The following ANKRD12 variants were observed in gnomAD, a reference collection of about 807,000 sequenced individuals.
ANKRD12 encodes the protein ankyrin repeat domain-containing protein 12.
In ANKRD12, 85 loss-of-function variants were observed where a neutral mutation model predicts 183.4. The observed-to-expected ratio is 0.46, with a 90% CI of 0.39 to 0.56. The LOEUF is 0.56. Among genes scored for constraint, ANKRD12 ranks in the 20% least tolerant of loss-of-function variants. The pLI, the probability that ANKRD12 is intolerant of heterozygous loss-of-function variation, is 0.00. For missense variants in ANKRD12, 2,405 were observed against 2,357.1 expected (o/e 1.02, Z -0.42); for synonymous variants, 914 against 800.2 (o/e 1.14, Z -2.40).
Position 9,258,133 on chromosome 18 carries a change from C to G in ANKRD12, c.4866C>G (p.Ser1622Arg). 2 of 1,613,580 alleles carry G rather than the reference C, an allele frequency of 1.2e-6. No homozygotes were observed. The highest frequency in any genetic ancestry group is 1.7e-6 in the Non-Finnish European group (2 of 1,179,982). Residue 1622 changes from serine (S) to arginine (R), a missense_variant, in exon 9 of 13, where the codon AGC becomes AGG. Coordinates refer to ENST00000262126, the MANE Select transcript of ANKRD12 (RefSeq NM_015208.5). ...KSSSGHEVEN[S>R]TTDTQVISHE... ...CCAGTGGCCATGAAGTTGAGAATAG[C>G]ACAACTGATACTCAGGTCATTTCAC...
chr18:9,242,038 T>C lies in ANKRD12; in HGVS notation c.944-12173T>C, dbSNP rs760819082. On this transcript the variant is annotated intron_variant, in intron 8 of 12. Transcript: ENST00000262126. ...TCAAAATATCTTTGACTTGCACATA[T>C]GTATATATATACACACACACACACA... is the stretch of plus-strand genomic sequence containing the variant. Among the ~76,000 whole-genome samples the C allele has an allele frequency of 2.6e-5, 4 of 152,040 alleles. No homozygotes were observed. In the East Asian group the frequency reaches 5.8e-4, roughly 22 times the overall value.
chr18:9,188,947 G>C (rs73939804), intron 2 of ANKRD12, among the ~76,000 whole-genome samples: 2,874 of 152,274 alleles, frequency 0.019, 102 homozygotes, highest in African/African-American at 0.066. Flanking sequence ...AAGTATTCAA[G>C]TGAAGAGTGG....
In ANKRD12 at chr18:9,169,224, A is replaced by G. The variant is rs146643288; in HGVS notation, c.-51-13158A>G. On this transcript the variant is annotated intron_variant, in intron 1 of 12. Coordinates refer to ENST00000262126, the MANE Select transcript of ANKRD12 (RefSeq NM_015208.5). ...GGGGTGGAGAGTTCTGTAGATGTCT[A>G]TGAGGTCCACTTGGTGCAGAGCTGA... is the stretch of plus-strand genomic sequence containing the variant. Among the ~76,000 whole-genome samples the G allele has an allele frequency of 1.1e-3, 169 of 152,260 alleles. 3 individuals carry two copies. The East Asian group carries it at 0.022, about 20-fold the overall frequency.
At chr18:9,178,901 T>G (rs1395150645) in intron 1 of ANKRD12, among the ~76,000 whole-genome samples, 1 of 152,184 alleles carries the variant, frequency 6.6e-6, no homozygotes, top group African/African-American at 2.4e-5. Flanking sequence ...ATTTAGTGGT[T>G]TTGATGCTAT....
In ANKRD12 at chr18:9,256,458, G is replaced by T. The variant is rs527947674; in HGVS notation, c.3191G>T (p.Arg1064Leu). ...TCATCACCAGCATCAAAAGATACCC[G>T]ACCTAAAGAAAAGAGGTTAGTGAAT... The part of the protein sequence containing the change: ...PKSSPASKDT[R>L]PKEKRLVNDD... The change falls in exon 9 of 13, where the codon CGA becomes CTA. Residue 1064 changes from arginine (R) to leucine (L), a missense_variant. Physicochemically the swap from Arg to Leu is moderately radical, Grantham distance 102. Around this residue, in one of 7 missense-constraint regions of ANKRD12, gnomAD observed 1,983 missense variants for 1,725.9 expected, o/e 1.15. Coordinates refer to ENST00000262126, the MANE Select transcript of ANKRD12 (RefSeq NM_015208.5). 6.2e-7 allele frequency: 1 copy of T among 1,613,424 alleles called. No homozygotes were observed.
chr18:9,263,154 T>C (rs1198965959), intron 9 of ANKRD12, among the ~76,000 whole-genome samples: 2 of 152,078 alleles, frequency 1.3e-5, no homozygotes, highest in African/African-American at 4.8e-5. Flanking sequence ...TTCCTTAACC[T>C]CCAGCATCTA....
chr18:9,200,222 G>A (rs2144493913), intron 3 of ANKRD12, among the ~76,000 whole-genome samples: 1 of 152,242 alleles, frequency 6.6e-6, no homozygotes, highest in Non-Finnish European at 1.5e-5. Flanking sequence ...GAGAAATTAG[G>A]GAATGAATTA....
intron 1 of ANKRD12, among the ~76,000 whole-genome samples, chr18:9,166,037 A>G (rs2143867457): frequency 1.3e-5 from 2 of 152,110 alleles, no homozygotes; most frequent in Non-Finnish European, 2.9e-5. Context: ...ATGTCCCTAC[A>G]AAGGACATGA....
At chr18:9,247,633 A>G (rs1265863209) in intron 8 of ANKRD12, among the ~76,000 whole-genome samples, 3 of 152,156 alleles carry the variant, frequency 2.0e-5, no homozygotes, top group African/African-American at 7.2e-5. Flanking sequence ...ATTGGTTAAT[A>G]TATCTTAGTA....
At chr18:9,194,938 C>T (rs181902982) in intron 2 of ANKRD12, among the ~76,000 whole-genome samples, 11 of 152,236 alleles carry the variant, frequency 7.2e-5, no homozygotes, top group South Asian at 2.1e-4. Flanking sequence ...AACCTAAATG[C>T]GCATCAACAG....
intron 10 of ANKRD12, among the ~76,000 whole-genome samples, chr18:9,266,220 A>G (rs2039283638): frequency 6.6e-6 from 1 of 152,244 alleles, no homozygotes; most frequent in Non-Finnish European, 1.5e-5. Flanking sequence ...GAACTTCCCC[A>G]ATCTAGCAAG....
intron 8 of ANKRD12, among the ~76,000 whole-genome samples, chr18:9,237,907 C>T (rs1419846006): frequency 6.6e-6 from 1 of 152,092 alleles, no homozygotes; most frequent in Non-Finnish European, 1.5e-5. Context: ...TCTTCTCCTG[C>T]CCTGCATCCC....
At chr18:9,227,049 T>C (rs2036759486) in intron 8 of ANKRD12, among the ~76,000 whole-genome samples, 1 of 152,196 alleles carries the variant, frequency 6.6e-6, no homozygotes, top group Admixed American at 6.5e-5. Context: ...GTCATATCAG[T>C]GTAAATTTAT....
intron 4 of ANKRD12, among the ~76,000 whole-genome samples, chr18:9,206,263 T>A (rs2035477203): frequency 6.6e-6 from 1 of 152,104 alleles, no homozygotes. Context: ...AAAGTTCTTG[T>A]CTATTATTAG....
intron 10 of ANKRD12, among the ~76,000 whole-genome samples, chr18:9,273,085 T>G (rs2039682479): frequency 2.0e-5 from 3 of 152,208 alleles, no homozygotes; most frequent in African/African-American, 7.2e-5. Context: ...TGGACTCGCT[T>G]TACTTCTCCA....
In ANKRD12 at chr18:9,263,843, G is replaced by A. The variant is rs2039125480; in HGVS notation, c.5718G>A (p.Gln1906=). 1 of 1,550,230 alleles carries A rather than the reference G, an allele frequency of 6.5e-7. No homozygotes were observed. The change falls in exon 10 of 13, where the codon CAG becomes CAA. Residue 1906 remains glutamine, a synonymous_variant. Coordinates refer to ENST00000262126, the MANE Select transcript of ANKRD12 (RefSeq NM_015208.5). ...SDPLKELFRQ[Q]EVVRMKLRLQ... ...CACTTAAAGAGCTTTTTCGACAACA[G>A]GAAGTTGTAAGGATGAAACTACGTT...
At chr18:9,208,617 GATTTGTTTCAA>G (rs908984870) in intron 4 of ANKRD12, 29 bp from the exon 5 acceptor site, 1 of 1,564,780 alleles carries the variant, frequency 6.4e-7, no homozygotes, top group African/African-American at 1.4e-5. Context: ...TGAGTACTTG[GATTTGTTTCAA>G]ATTCTTACAT....
At position 9,269,159 on chromosome 18, in the gene ANKRD12, T is replaced by C. The variant is rs555294186; in HGVS notation, c.5763+5271T>C. Among the ~76,000 whole-genome samples the C allele has an allele frequency of 1.7e-4, 26 of 152,266 alleles. No individual in the cohort carries two copies. The South Asian group carries it at 5.4e-3, about 32-fold the overall frequency. ...TAGAAGAACATTCCAAGCTCATGGG[T>C]AGGAAGAATCAATATCGTGAAAATG... On this transcript the variant is annotated intron_variant, in intron 10 of 12. Coordinates refer to ENST00000262126, the MANE Select transcript of ANKRD12 (RefSeq NM_015208.5).
At chr18:9,137,718 G>A (rs2078167049) in intron 1 of ANKRD12, 1 of 152,310 alleles carries the variant, frequency 6.6e-6, no homozygotes, top group Non-Finnish European at 1.5e-5. Context: ...TTGCCGCATT[G>A]GACAGGCAGT....
Sources: gnomAD v4.1 joint callset for allele counts (sites outside exome capture counted in the v4.1 genomes callset) on GRCh38, gnomAD v4.1.1 for gene constraint, gnomAD v4.1.1 regional missense constraint, MANE v1.5 for transcripts, NCBI Gene and HGNC (gene_info 2026-07-23, HGNC 2026-07-21) for gene names.